Variants in STRN observed in about 807,000 individuals in gnomAD.
STRN encodes striatin.
In STRN, 53 loss-of-function variants were observed where a neutral mutation model predicts 96.3. That is an observed-to-expected ratio of 0.55 (90% confidence interval 0.44 to 0.69). The LOEUF (loss-of-function observed/expected upper bound fraction) is 0.69. STRN is among the 30% of genes least tolerant of loss of function. STRN has a pLI of 0.00. For missense variants in STRN, 987 were observed against 963.9 expected (o/e 1.02, Z -0.32); for synonymous variants, 428 against 355.9 (o/e 1.20, Z -2.28).
intron 10 of STRN, among the ~76,000 whole-genome samples, chr2:36,877,319 T>C (rs1347814865): frequency 6.6e-6 from 1 of 152,192 alleles, no homozygotes; most frequent in Non-Finnish European, 1.5e-5. Context: ...CCAAATTTGG[T>C]AATGGAAAAA....
In STRN at chr2:36,849,930, T is replaced by C. The variant is rs1468669015; in HGVS notation, c.2087-130A>G. The C allele has an allele frequency of 7.0e-6, 6 of 851,850 alleles. No homozygotes were observed. The East Asian group carries it at 7.9e-5, about 11-fold the overall frequency. The allele number at this position is 851,850 out of a possible 1,614,324, so 52.8% of individuals were successfully genotyped here. A position where few individuals can be genotyped will look rare whatever the true frequency, so the allele number is the denominator to read the frequency against. ...CTTACTGTATTAATAGCTTTTTCCA[T>C]CACCTAAAACAACATGTCTCCCTCT... On this transcript the variant is annotated intron_variant, in intron 16 of 17. Coordinates refer to ENST00000263918, the MANE Select transcript of STRN (RefSeq NM_003162.4).
chr2:36,870,273 C>A, intron 10 of STRN, among the ~76,000 whole-genome samples: 1 of 146,294 alleles, frequency 6.8e-6, no homozygotes, highest in Non-Finnish European at 1.5e-5. Context: ...TCTTTCCCTC[C>A]ATGGTAACTC....
At chr2:36,894,991 A>AACAACTCC (rs913320150) in intron 6 of STRN, among the ~76,000 whole-genome samples, 5 of 152,322 alleles carry the variant, frequency 3.3e-5, no homozygotes, top group Non-Finnish European at 5.9e-5. Flanking sequence ...TGGCATCATA[A>AACAACTCC]ACAACTCCTA....
At chr2:36,940,298 A>C (rs1670812622) in intron 1 of STRN, among the ~76,000 whole-genome samples, 1 of 152,236 alleles carries the variant, frequency 6.6e-6, no homozygotes, top group Non-Finnish European at 1.5e-5. Flanking sequence ...ATATTAGTCA[A>C]TATTAATAAA....
At chr2:36,851,878 A>G (rs556993120) in intron 15 of STRN, among the ~76,000 whole-genome samples, 2 of 152,336 alleles carry the variant, frequency 1.3e-5, no homozygotes, top group South Asian at 4.1e-4. Context: ...CTTCCTCATC[A>G]TAATAGAAAT....
chr2:36,940,823 C>G lies in STRN; in HGVS notation c.235-15615G>C, dbSNP rs576483578. Among the ~76,000 whole-genome samples the G allele has an allele frequency of 1.2e-4, 13 of 105,982 alleles. No homozygotes were observed. The South Asian group carries it at 3.8e-3, about 31-fold the overall frequency. The allele number at this position is 105,982 out of a possible 152,430, so 69.5% of individuals were successfully genotyped here. Reference sequence around the variant, plus strand: ...CTGCACAGCAGCCTGGGCGACTGGGCAAGACTCTGTCTCAAAAAAAAAAAA... The same window carrying G: ...CTGCACAGCAGCCTGGGCGACTGGGGAAGACTCTGTCTCAAAAAAAAAAAA... On this transcript the variant is annotated intron_variant, in intron 1 of 17. Coordinates refer to ENST00000263918, the MANE Select transcript of STRN (RefSeq NM_003162.4).
intron 9 of STRN, among the ~76,000 whole-genome samples, chr2:36,880,367 G>A (rs1325803493): frequency 6.6e-6 from 1 of 152,156 alleles, no homozygotes; most frequent in Admixed American, 6.5e-5. Context: ...TTGAGCCCAG[G>A]AGTTTGAGGC....
intron 7 of STRN, among the ~76,000 whole-genome samples, chr2:36,892,288 G>A (rs775759909): frequency 3.9e-5 from 6 of 152,100 alleles, no homozygotes; most frequent in Admixed American, 6.5e-5. Flanking sequence ...GGCAGTAAGC[G>A]CTGAAAAACC....
intron 1 of STRN, among the ~76,000 whole-genome samples, chr2:36,926,126 C>A (rs901651988): frequency 2.6e-5 from 4 of 152,134 alleles, no homozygotes; most frequent in Non-Finnish European, 4.4e-5. Context: ...TTCCTGCCCC[C>A]CACCCCAAGG....
chr2:36,848,438 G>A lies in STRN; in HGVS notation c.*1018C>T, dbSNP rs956801712. ...TATGAACTGTTCTTGGTAGATGTCA[G>A]ATAACTTGAACGTGACAAAGAAGAA... On this transcript the variant is annotated 3_prime_UTR_variant, in exon 18 of 18. Coordinates refer to ENST00000263918, the MANE Select transcript of STRN (RefSeq NM_003162.4). The A allele has an allele frequency of 6.6e-6, 1 of 152,176 alleles. No individual in the cohort carries two copies. The highest frequency in any genetic ancestry group is 1.5e-5 in the Non-Finnish European group (1 of 68,032). 9.4% of individuals were successfully genotyped at this position (152,176 alleles called of 1,614,324 possible). A position where few individuals can be genotyped will look rare whatever the true frequency, so the allele number is the denominator to read the frequency against.
At chr2:36,962,051 T>G (rs1287305341) in intron 1 of STRN, among the ~76,000 whole-genome samples, 2 of 152,144 alleles carry the variant, frequency 1.3e-5, no homozygotes, top group Admixed American at 1.3e-4. Flanking sequence ...TTCCCAACAT[T>G]CTATGTATTT....
At position 36,855,360 on chromosome 2, in the gene STRN, A is replaced by G; in HGVS notation, c.1838-8T>C. 1 of 1,612,040 alleles carries G rather than the reference A, an allele frequency of 6.2e-7. No individual in the cohort carries two copies. Among genetic ancestry groups the G allele is most frequent in the Non-Finnish European group, 8.5e-7 (1 of 1,179,298 alleles). Reference sequence around the variant, plus strand: ...AGGCAGGGATTCCCAGTTCTGAAAGAGAACATATTGAAATAGAATGGCAAT... The same window carrying G: ...AGGCAGGGATTCCCAGTTCTGAAAGGGAACATATTGAAATAGAATGGCAAT... On this transcript the variant is annotated splice_polypyrimidine_tract_variant and splice_region_variant and intron_variant, in intron 14 of 17. Coordinates refer to ENST00000263918, the MANE Select transcript of STRN (RefSeq NM_003162.4).
In STRN at chr2:36,855,202, G is replaced by C. The variant is rs766058328; in HGVS notation, c.1978+10C>G. ...AATAAACACAGACAATTTAAAATTGGTATGCATACTTGTATCTACATTGGA... is the reference window on the plus strand; with the variant it reads ...AATAAACACAGACAATTTAAAATTGCTATGCATACTTGTATCTACATTGGA... On this transcript the variant is annotated intron_variant, in intron 15 of 17. Transcript: ENST00000263918. 1.9e-6 allele frequency: 3 copies of C among 1,609,474 alleles called. No homozygotes were observed. In the South Asian group the frequency reaches 3.3e-5, roughly 18 times the overall value.
At chr2:36,922,397 T>C (rs1212890917) in intron 2 of STRN, among the ~76,000 whole-genome samples, 8 of 151,682 alleles carry the variant, frequency 5.3e-5, no homozygotes, top group African/African-American at 1.9e-4. Context: ...AGTATATCTG[T>C]ATTCCCAGCC....
intron 2 of STRN, among the ~76,000 whole-genome samples, chr2:36,920,331 C>T (rs1205919051): frequency 6.6e-6 from 1 of 152,042 alleles, no homozygotes. Flanking sequence ...CAAATCATTC[C>T]ATATACTTCA....
chr2:36,874,673 C>A (rs1668853394), intron 10 of STRN, among the ~76,000 whole-genome samples: 1 of 131,860 alleles, frequency 7.6e-6, no homozygotes, highest in Non-Finnish European at 1.6e-5. Flanking sequence ...TTGACCTTAG[C>A]AGAAAACATA....
chr2:36,882,198 A>G (rs910235946), intron 9 of STRN, among the ~76,000 whole-genome samples: 6 of 152,160 alleles, frequency 3.9e-5, no homozygotes, highest in African/African-American at 1.4e-4. Flanking sequence ...AAAAAAAACA[A>G]GAAAAAAACA....
Position 36,866,831 on chromosome 2 carries a change from A to C in STRN, c.1547+983T>G, listed in dbSNP as rs116418786. ...TTGGTTTAAAGTCTGTTTTGTCTGAAATTAGAGTAGCAACTCCTGCTTTTT... is the reference window on the plus strand; with the variant it reads ...TTGGTTTAAAGTCTGTTTTGTCTGACATTAGAGTAGCAACTCCTGCTTTTT... On this transcript the variant is annotated intron_variant, in intron 12 of 17. Coordinates refer to ENST00000263918, the MANE Select transcript of STRN (RefSeq NM_003162.4). Among the ~76,000 whole-genome samples, 1,001 of 152,172 alleles carry C rather than the reference A, an allele frequency of 6.6e-3. 17 individuals carry two copies. The highest frequency in any genetic ancestry group is 0.023 in the African/African-American group (951 of 41,524).
chr2:36,966,106 G>A, intron 1 of STRN, 124 bp downstream of exon 1: 2 of 1,162,856 alleles, frequency 1.7e-6, no homozygotes, highest in Non-Finnish European at 1.1e-6. Context: ...GGCTCCGGGT[G>A]GGATGGGCGG....
Sources: allele counts gnomAD v4.1 joint callset (sites outside exome capture counted in the v4.1 genomes callset), GRCh38; gene constraint gnomAD v4.1.1; transcripts MANE v1.5; gene names NCBI Gene and HGNC (gene_info 2026-07-23, HGNC 2026-07-21).